WWOX: variants seen among roughly 807,000 people sequenced by gnomAD.
WWOX encodes the protein WW domain containing oxidoreductase, also known as WW domain-containing oxidoreductase.
Under a neutral mutation model 46.2 loss-of-function variants are expected in WWOX, and 69 were observed. The ratio of observed to expected loss-of-function variants is 1.49; its 90% CI spans 1.23 to 1.82. The LOEUF (loss-of-function observed/expected upper bound fraction) is 1.82. Ranked by LOEUF, WWOX falls within the 40% of genes most tolerant of loss-of-function variation. The pLI is 0.00. For synonymous variants in WWOX, 359 were observed against 202.6 expected (o/e 1.77, Z -6.56); for missense variants, 919 against 542.6 (o/e 1.69, Z -6.89).
chr16:78,100,390 C>G (rs1239854619), intron 1 of WWOX, among the ~76,000 whole-genome samples: 1 of 152,148 alleles, frequency 6.6e-6, no homozygotes, highest in Non-Finnish European at 1.5e-5. Flanking sequence ...GTGGCTGGGA[C>G]TACAAGCGTG....
chr16:78,126,821 A>G (rs1265794053), intron 4 of WWOX, among the ~76,000 whole-genome samples: 1 of 152,200 alleles, frequency 6.6e-6, no homozygotes. Context: ...CTGGCTTTGC[A>G]ATGGTGGTGG....
At chr16:79,045,968 A>G (rs2150520303) in intron 8 of WWOX, among the ~76,000 whole-genome samples, 1 of 151,346 alleles carries the variant, frequency 6.6e-6, no homozygotes, top group African/African-American at 2.4e-5. Context: ...TGGCTGGCTA[A>G]TTTTTGTATT....
chr16:78,333,785 T>G (rs2080818550), intron 5 of WWOX, among the ~76,000 whole-genome samples: 1 of 152,248 alleles, frequency 6.6e-6, no homozygotes, highest in African/African-American at 2.4e-5. Context: ...TTGGCTTATT[T>G]GGCGTTTTGT....
chr16:78,493,134 G>T (rs113879388), intron 8 of WWOX, among the ~76,000 whole-genome samples: 1 of 152,208 alleles, frequency 6.6e-6, no homozygotes, highest in East Asian at 1.9e-4. Context: ...TTGGAGCCTG[G>T]ACTTCTTCCT....
intron 8 of WWOX, among the ~76,000 whole-genome samples, chr16:78,722,698 GT>G (rs56266240): frequency 0.04 from 4,648 of 116,186 alleles, 177 homozygotes; most frequent in African/African-American, 0.12. Flanking sequence ...GTTTGTCTCT[GT>G]TTTTTTTTTT....
intron 5 of WWOX, among the ~76,000 whole-genome samples, chr16:78,182,634 C>T (rs531790668): frequency 1.3e-5 from 2 of 151,972 alleles, no homozygotes; most frequent in African/African-American, 4.8e-5. Flanking sequence ...GCACTGAGCA[C>T]CAGTGATATG....
chr16:78,464,559 C>A (rs1475745763), intron 8 of WWOX, among the ~76,000 whole-genome samples: 3 of 152,144 alleles, frequency 2.0e-5, no homozygotes, highest in South Asian at 2.1e-4. Context: ...TTCAAGGGAT[C>A]CTTGTTTTCT....
intron 8 of WWOX, among the ~76,000 whole-genome samples, chr16:78,994,009 G>A (rs776014611): frequency 2.0e-5 from 3 of 152,306 alleles, no homozygotes; most frequent in South Asian, 2.1e-4. Context: ...GAGCTACGAC[G>A]AGGGTACCCT....
intron 5 of WWOX, among the ~76,000 whole-genome samples, chr16:78,375,610 G>A (rs2081801179): frequency 6.6e-6 from 1 of 152,036 alleles, no homozygotes; most frequent in African/African-American, 2.4e-5. Flanking sequence ...AGGCTTCTTG[G>A]GAATGGAAAT....
intron 5 of WWOX, among the ~76,000 whole-genome samples, chr16:78,317,806 A>T (rs556369231): frequency 3.3e-5 from 5 of 152,256 alleles, no homozygotes; most frequent in Non-Finnish European, 7.4e-5. Context: ...ACATCCAAGG[A>T]CTTGGTGGAA....
intron 8 of WWOX, among the ~76,000 whole-genome samples, chr16:78,906,744 C>G (rs993173039): frequency 6.6e-6 from 1 of 152,184 alleles, no homozygotes; most frequent in Admixed American, 6.5e-5. Flanking sequence ...CTGAAAGTTC[C>G]TTTAACTTGA....
chr16:78,386,953 G>C lies in WWOX; in HGVS notation c.605+5G>C, dbSNP rs1039151413. 3 of 1,613,030 alleles carry C rather than the reference G, an allele frequency of 1.9e-6. No individual in the cohort carries two copies. The highest frequency in any genetic ancestry group is 2.7e-5 in the African/African-American group (2 of 74,910). Reference sequence around the variant, plus strand: ...AGCATTCAAGGCCAAGAATGTGTGAGTGTTCCAGTGGAGGGTTATAGATCA... The same window carrying C: ...AGCATTCAAGGCCAAGAATGTGTGACTGTTCCAGTGGAGGGTTATAGATCA... On this transcript the variant is annotated splice_donor_5th_base_variant and intron_variant, in intron 6 of 8. Transcript: ENST00000566780.
At chr16:79,205,132 C>T (rs1422374310) in intron 8 of WWOX, 2 of 152,184 alleles carry the variant, frequency 1.3e-5, no homozygotes, top group African/African-American at 4.8e-5. Flanking sequence ...TGAGCACGTG[C>T]CTGTCATTTA....
intron 7 of WWOX, among the ~76,000 whole-genome samples, chr16:78,426,507 A>C (rs980913043): frequency 6.6e-6 from 1 of 152,170 alleles, no homozygotes; most frequent in Non-Finnish European, 1.5e-5. Context: ...GCATCATTTA[A>C]AAGATTAGTT....
At chr16:78,746,843 A>G (rs1026417170) in intron 8 of WWOX, among the ~76,000 whole-genome samples, 11 of 152,126 alleles carry the variant, frequency 7.2e-5, no homozygotes, top group Non-Finnish European at 1.6e-4. Flanking sequence ...GAAAATAAAT[A>G]TTTGATCTTG....
chr16:78,915,800 T>G (rs772770315), intron 8 of WWOX, among the ~76,000 whole-genome samples: 1 of 152,206 alleles, frequency 6.6e-6, no homozygotes, highest in Admixed American at 6.5e-5. Context: ...TCACATGTGT[T>G]TATAACTCTC....
intron 8 of WWOX, among the ~76,000 whole-genome samples, chr16:79,053,406 T>C (rs1452610385): frequency 6.6e-6 from 1 of 152,210 alleles, no homozygotes; most frequent in Non-Finnish European, 1.5e-5. Flanking sequence ...GAATTTTAAG[T>C]ACCTAAAGTT....
rs111466673 is a variant in WWOX at position 78,508,915 on chromosome 16, C to T, written c.1056+76163C>T. Among the ~76,000 whole-genome samples the T allele has an allele frequency of 3.9e-3, 596 of 152,340 alleles. 3 individuals are homozygous for T. Among genetic ancestry groups the T allele is most frequent in the African/African-American group, 0.014 (572 of 41,586 alleles). ...GATATTTAATTATCTTCTGCTGTTA[C>T]ATCTGCATCATGTATTGGCTGGCTG... On this transcript the variant is annotated intron_variant, in intron 8 of 8. Coordinates refer to ENST00000566780, the MANE Select transcript of WWOX (RefSeq NM_016373.4).
At chr16:78,863,212 C>T (rs911647953) in intron 8 of WWOX, among the ~76,000 whole-genome samples, 3 of 152,176 alleles carry the variant, frequency 2.0e-5, no homozygotes, top group African/African-American at 4.8e-5. Flanking sequence ...CCCGCCTTGG[C>T]CTCCCAAAGT....
Sources: gnomAD v4.1 joint callset for allele counts (sites outside exome capture counted in the v4.1 genomes callset) on GRCh38, gnomAD v4.1.1 for gene constraint, MANE v1.5 for transcripts, NCBI Gene and HGNC (gene_info 2026-07-23, HGNC 2026-07-21) for gene names.